ARHGAP42: variants seen among roughly 807,000 people sequenced by gnomAD.
ARHGAP42 encodes Rho GTPase activating protein 42.
In ARHGAP42, 63 loss-of-function variants were observed where a neutral mutation model predicts 125.0. The observed-to-expected ratio is 0.50, with a 90% confidence interval of 0.41 to 0.62. ARHGAP42 has a LOEUF of 0.62. Ranked by LOEUF, ARHGAP42 falls within the 20% of genes least tolerant of loss-of-function variation. The pLI, the probability that ARHGAP42 is intolerant of heterozygous loss-of-function variation, is 0.00. For missense variants in ARHGAP42, 766 were observed against 1,024.2 expected (o/e 0.75, Z 3.44); for synonymous variants, 339 against 351.0 (o/e 0.97, Z 0.38).
rs750461317 is a variant in ARHGAP42 at position 100,976,376 on chromosome 11, T to C, written c.2175T>C (p.Tyr725=). ...PPIDLVKKEP[Y]GLSGLKRASA... The stretch of plus-strand genomic sequence containing the variant: ...TAGACCTAGTCAAGAAAGAGCCTTA[T>C]GGGCTTTCAGGACTGAAAAGAGCTT... The change falls in exon 20 of 24, where the codon TAT becomes TAC. Residue 725 remains tyrosine (Y), a synonymous_variant. Transcript: ENST00000298815. 1.9e-6 allele frequency: 3 copies of C among 1,550,088 alleles called. No individual in the cohort carries two copies. Among genetic ancestry groups the C allele is most frequent in the Non-Finnish European group, 2.6e-6 (3 of 1,146,450 alleles).
At chr11:100,745,041 G>A (rs1368581841) in intron 1 of ARHGAP42, among the ~76,000 whole-genome samples, 1 of 152,138 alleles carries the variant, frequency 6.6e-6, no homozygotes, top group East Asian at 1.9e-4. Flanking sequence ...GATGGGATGA[G>A]TGGTTTGGTG....
intron 4 of ARHGAP42, among the ~76,000 whole-genome samples, chr11:100,888,631 A>G (rs1866151480): frequency 6.6e-6 from 1 of 152,214 alleles, no homozygotes; most frequent in Non-Finnish European, 1.5e-5. Context: ...AAAAGGCTTA[A>G]AATAATAACT....
At chr11:100,977,171 T>C (rs1187356212) in intron 21 of ARHGAP42, among the ~76,000 whole-genome samples, 200 bp downstream of exon 21, 1 of 152,228 alleles carries the variant, frequency 6.6e-6, no homozygotes. Context: ...AGAATCTCTC[T>C]CACAGGGCAG....
chr11:100,961,868 C>A, intron 15 of ARHGAP42, 100 bp downstream of exon 15: 1 of 840,772 alleles, frequency 1.2e-6, no homozygotes, highest in Non-Finnish European at 1.9e-6. Flanking sequence ...AGAAGCTTCA[C>A]TCAGTAGCTC....
intron 3 of ARHGAP42, among the ~76,000 whole-genome samples, chr11:100,797,199 G>A (rs894482640): frequency 6.6e-6 from 1 of 152,194 alleles, no homozygotes; most frequent in African/African-American, 2.4e-5. Flanking sequence ...GCAAGATGAA[G>A]CAGCCAAGTG....
chr11:100,797,721 C>T (rs546957242), intron 3 of ARHGAP42, among the ~76,000 whole-genome samples: 2 of 152,224 alleles, frequency 1.3e-5, no homozygotes, highest in South Asian at 4.1e-4. Context: ...GTTAACACAA[C>T]ATTCATTCTG....
At chr11:100,752,226 A>G (rs1241705313) in intron 1 of ARHGAP42, among the ~76,000 whole-genome samples, 1 of 152,188 alleles carries the variant, frequency 6.6e-6, no homozygotes, top group Non-Finnish European at 1.5e-5. Flanking sequence ...AAGGTTATCT[A>G]TAGGTGCACC....
chr11:100,756,696 T>G (rs1263643724), intron 1 of ARHGAP42, among the ~76,000 whole-genome samples: 1 of 152,330 alleles, frequency 6.6e-6, no homozygotes, highest in Admixed American at 6.5e-5. Flanking sequence ...ATAACATGTC[T>G]TCCAAAGTTT....
intron 1 of ARHGAP42, among the ~76,000 whole-genome samples, chr11:100,736,424 A>G (rs1862069692): frequency 6.6e-6 from 1 of 152,130 alleles, no homozygotes; most frequent in South Asian, 2.1e-4. Context: ...TGGGTTGAGA[A>G]ATCTTGGGGC....
intron 1 of ARHGAP42, among the ~76,000 whole-genome samples, chr11:100,752,471 C>T (rs1862482440): frequency 6.6e-6 from 1 of 152,164 alleles, no homozygotes; most frequent in South Asian, 2.1e-4. Flanking sequence ...GTACTACTGG[C>T]TGTTCCCTTA....
intron 3 of ARHGAP42, among the ~76,000 whole-genome samples, chr11:100,854,342 T>TA (rs1865276948): frequency 6.6e-6 from 1 of 152,304 alleles, no homozygotes; most frequent in African/African-American, 2.4e-5. Flanking sequence ...GAGTTAGATC[T>TA]AACTGATGAG....
At chr11:100,709,859 C>G (rs929106690) in intron 1 of ARHGAP42, among the ~76,000 whole-genome samples, 1 of 152,180 alleles carries the variant, frequency 6.6e-6, no homozygotes, top group Non-Finnish European at 1.5e-5. Context: ...ATCAGCTATG[C>G]GATTGAATAA....
chr11:100,874,360 C>T (rs1234285293), intron 4 of ARHGAP42, among the ~76,000 whole-genome samples: 2 of 152,198 alleles, frequency 1.3e-5, no homozygotes, highest in Non-Finnish European at 2.9e-5. Context: ...TAAACCTCAG[C>T]ATGAGTTTTG....
intron 4 of ARHGAP42, among the ~76,000 whole-genome samples, chr11:100,878,440 CT>C (rs1865875182): frequency 6.6e-6 from 1 of 152,178 alleles, no homozygotes; most frequent in Non-Finnish European, 1.5e-5. Flanking sequence ...CCTCTGTACC[CT>C]TACCAATCAA....
intron 4 of ARHGAP42, among the ~76,000 whole-genome samples, chr11:100,870,798 T>A (rs867496212): frequency 2.0e-5 from 3 of 152,228 alleles, no homozygotes; most frequent in Non-Finnish European, 4.4e-5. Flanking sequence ...GTGCTCATCA[T>A]TTGATGTTAA....
intron 2 of ARHGAP42, among the ~76,000 whole-genome samples, chr11:100,794,075 C>CAAAAAAAAAAAAAAAAAAAAAAAAAA (rs869272420): frequency 6.7e-5 from 3 of 44,864 alleles, no homozygotes; most frequent in African/African-American, 2.1e-4. Flanking sequence ...GACCCTGTCT[C>CAAAAAAAAAAAAAAAAAAAAAAAAAA]AAAAAAAAAA....
intron 1 of ARHGAP42, among the ~76,000 whole-genome samples, chr11:100,699,808 C>G (rs1591114335): frequency 6.6e-6 from 1 of 152,010 alleles, no homozygotes; most frequent in South Asian, 2.1e-4. Context: ...CAGGCATGAG[C>G]CACCACGCTT....
At chr11:100,905,069 A>G (rs534184720) in intron 4 of ARHGAP42, among the ~76,000 whole-genome samples, 1 of 152,154 alleles carries the variant, frequency 6.6e-6, no homozygotes, top group Non-Finnish European at 1.5e-5. Flanking sequence ...TCTTCTCTCC[A>G]TTCTAATTTT....
Position 100,888,212 on chromosome 11 carries a change from A to G in ARHGAP42, c.385-25240A>G, listed in dbSNP as rs1388592716. Among the ~76,000 whole-genome samples, 3 of 149,938 alleles carry G rather than the reference A, an allele frequency of 2.0e-5. No individual in the cohort carries two copies. The East Asian group carries it at 6.3e-4, about 32-fold the overall frequency. ...CAATGACAGCTTAATGTCTTTGACT[A>G]TTATGAAAAACAGCCTTTCCTTTTA... On this transcript the variant is annotated intron_variant, in intron 4 of 23. Coordinates refer to ENST00000298815, the MANE Select transcript of ARHGAP42 (RefSeq NM_152432.4).
Sources: gnomAD v4.1 joint callset for allele counts (sites outside exome capture counted in the v4.1 genomes callset) on GRCh38, gnomAD v4.1.1 for gene constraint, MANE v1.5 for transcripts, NCBI Gene and HGNC (gene_info 2026-07-23, HGNC 2026-07-21) for gene names.